ACOXL: variants seen among roughly 807,000 people sequenced by gnomAD.
ACOXL encodes acyl-CoA oxidase like.
ACOXL carries 70 observed loss-of-function variants against 71.9 expected under a neutral mutation model. The ratio of observed to expected loss-of-function variants is 0.97; its 90% confidence interval spans 0.80 to 1.19. ACOXL has a LOEUF of 1.19. Among genes scored for constraint, ACOXL ranks in the 50% most tolerant of loss-of-function variants. The pLI, the probability that ACOXL is intolerant of heterozygous loss-of-function variation, is 0.00. For synonymous variants in ACOXL, 253 were observed against 281.6 expected (o/e 0.90, Z 1.02); for missense variants, 703 against 736.3 (o/e 0.95, Z 0.52).
intron 14 of ACOXL, among the ~76,000 whole-genome samples, chr2:111,022,047 A>G (rs188197386): frequency 6.6e-6 from 1 of 152,300 alleles, no homozygotes; most frequent in Non-Finnish European, 1.5e-5. Flanking sequence ...GTAAAGACGT[A>G]ATACAGAAAG....
At chr2:110,957,419 G>A (rs1432117482) in intron 12 of ACOXL, among the ~76,000 whole-genome samples, 1 of 152,190 alleles carries the variant, frequency 6.6e-6, no homozygotes, top group Non-Finnish European at 1.5e-5. Context: ...CCCACACGCT[G>A]TATTTGTCTG....
At chr2:110,856,679 A>G (rs1693290109) in intron 10 of ACOXL, among the ~76,000 whole-genome samples, 1 of 152,202 alleles carries the variant, frequency 6.6e-6, no homozygotes, top group Non-Finnish European at 1.5e-5. Context: ...TAAGCACTTA[A>G]TTAAGATGGA....
At chr2:111,057,002 T>C (rs536227739) in intron 16 of ACOXL, among the ~76,000 whole-genome samples, 1 of 152,040 alleles carries the variant, frequency 6.6e-6, no homozygotes, top group Admixed American at 6.5e-5. Flanking sequence ...CCTTGACAAA[T>C]AGGTGAGACA....
At chr2:111,078,294 T>A (rs1422617245) in intron 16 of ACOXL, among the ~76,000 whole-genome samples, 1 of 152,166 alleles carries the variant, frequency 6.6e-6, no homozygotes. Context: ...AGACAGAGTC[T>A]TACTCTGCCG....
At chr2:110,737,605 C>T (rs1467950651) in intron 1 of ACOXL, among the ~76,000 whole-genome samples, 1 of 152,130 alleles carries the variant, frequency 6.6e-6, no homozygotes, top group African/African-American at 2.4e-5. Context: ...ACTCACTGAC[C>T]TCCACACTAG....
intron 9 of ACOXL, among the ~76,000 whole-genome samples, chr2:110,838,194 T>G (rs1013034135): frequency 5.3e-5 from 8 of 152,202 alleles, no homozygotes; most frequent in African/African-American, 1.9e-4. Context: ...CACATGTGAA[T>G]AAACACATGC....
chr2:110,899,875 C>T (rs2059157569), intron 10 of ACOXL, among the ~76,000 whole-genome samples: 1 of 152,046 alleles, frequency 6.6e-6, no homozygotes, highest in Non-Finnish European at 1.5e-5. Flanking sequence ...ATTCAGGCTC[C>T]TCTCTAGGGT....
At chr2:111,021,395 A>T (rs80170019) in intron 14 of ACOXL, among the ~76,000 whole-genome samples, 4 of 151,988 alleles carry the variant, frequency 2.6e-5, no homozygotes, top group Admixed American at 2.6e-4. Flanking sequence ...CCTTTTTCTC[A>T]TATGTAGCAG....
intron 17 of ACOXL, among the ~76,000 whole-genome samples, chr2:111,104,144 C>T (rs893529704): frequency 6.6e-6 from 1 of 152,130 alleles, no homozygotes; most frequent in Non-Finnish European, 1.5e-5. Flanking sequence ...TCCAGGTGGT[C>T]GCACATATCA....
At chr2:110,906,912 T>C (rs1222832129) in intron 10 of ACOXL, among the ~76,000 whole-genome samples, 2 of 152,176 alleles carry the variant, frequency 1.3e-5, no homozygotes, top group Admixed American at 6.5e-5. Flanking sequence ...CATTGTCTGG[T>C]TTTGGTAGGT....
intron 9 of ACOXL, among the ~76,000 whole-genome samples, chr2:110,835,809 C>T (rs1167696818): frequency 6.6e-6 from 1 of 152,134 alleles, no homozygotes; most frequent in East Asian, 1.9e-4. Context: ...GCTGAAATGC[C>T]CAAGTTTGTG....
chr2:111,055,477 T>C (rs768070857), intron 16 of ACOXL, among the ~76,000 whole-genome samples: 2 of 152,102 alleles, frequency 1.3e-5, no homozygotes, highest in Non-Finnish European at 2.9e-5. Flanking sequence ...CATGATGTCC[T>C]TCCTTCTGCA....
chr2:111,072,424 A>G (rs2067385412), intron 16 of ACOXL, among the ~76,000 whole-genome samples: 1 of 152,238 alleles, frequency 6.6e-6, no homozygotes. Flanking sequence ...TCAACAGTGA[A>G]TCATTTTCAT....
chr2:110,876,361 C>T (rs955608645), intron 10 of ACOXL, among the ~76,000 whole-genome samples: 2 of 152,176 alleles, frequency 1.3e-5, no homozygotes, highest in African/African-American at 2.4e-5. Flanking sequence ...GGAGCTCCCC[C>T]GAGGTGCCTG....
intron 9 of ACOXL, among the ~76,000 whole-genome samples, chr2:110,807,498 A>G (rs565853949): frequency 1.2e-4 from 19 of 152,342 alleles, no homozygotes; most frequent in Admixed American, 3.9e-4. Flanking sequence ...TAACAAGGCA[A>G]TGTGCAATGT....
intron 1 of ACOXL, among the ~76,000 whole-genome samples, chr2:110,748,623 GT>G: frequency 6.6e-6 from 1 of 152,332 alleles, no homozygotes; most frequent in Admixed American, 6.5e-5. Context: ...TGATTAAACA[GT>G]TTCTGTTTCC....
At chr2:110,790,383 C>T (rs1573527311) in intron 3 of ACOXL, among the ~76,000 whole-genome samples, 1 of 152,168 alleles carries the variant, frequency 6.6e-6, no homozygotes, top group East Asian at 1.9e-4. Flanking sequence ...GTCCTGGCTA[C>T]ACCTCCCAGC....
rs1491355100 is a variant in ACOXL, at chr2:110,915,350, A to ATATATATATATATGTG, written c.905+6446_905+6447insATATATATATATGTGT. Among the ~76,000 whole-genome samples the ATATATATATATATGTG allele has an allele frequency of 7.0e-5, 8 of 113,634 alleles. No homozygotes were observed. In the East Asian group the frequency reaches 7.5e-4, roughly 11 times the overall value. The allele number at this position is 113,634 out of a possible 152,430, so 74.5% of individuals were successfully genotyped here. A position where few individuals can be genotyped will look rare whatever the true frequency, so the allele number is the denominator to read the frequency against. Reference sequence around the variant, plus strand: ...TTATATGCATTTTATATATATATATATGTGTGTGTGTGTGTGTGTGTGTGT... The same window carrying ATATATATATATATGTG: ...TTATATGCATTTTATATATATATATATATATATATATATGTGTGTGTGTGTGTGTGTGTGTGTGTGT... On this transcript the variant is annotated intron_variant, in intron 11 of 17. Transcript: ENST00000439055.
chr2:111,093,027 T>A, intron 17 of ACOXL, 61 bp downstream of exon 17: 1 of 1,350,988 alleles, frequency 7.4e-7, no homozygotes, highest in Non-Finnish European at 1.0e-6. Flanking sequence ...CTTGCTTTCT[T>A]AGAAAACAGT....
Sources: allele counts gnomAD v4.1 joint callset (sites outside exome capture counted in the v4.1 genomes callset), GRCh38; gene constraint gnomAD v4.1.1; transcripts MANE v1.5; gene names NCBI Gene and HGNC (gene_info 2026-07-23, HGNC 2026-07-21).